Variants in GPR55 observed in about 807,000 individuals in gnomAD.
GPR55 encodes G protein-coupled receptor 55.
A neutral mutation model predicts 7.9 loss-of-function variants in GPR55; 6 were observed. The ratio of observed to expected loss-of-function variants is 0.76; its 90% CI spans 0.41 to 1.49. The LOEUF (loss-of-function observed/expected upper bound fraction) is 1.49, where lower values mean the gene tolerates loss of function less well. Ranked by LOEUF, GPR55 falls within the 40% of genes most tolerant of loss-of-function variation. The pLI, the probability that GPR55 is intolerant of heterozygous loss-of-function variation, is 0.01. For synonymous variants in GPR55, 183 were observed against 166.8 expected (o/e 1.10, Z -0.75); for missense variants, 376 against 406.0 (o/e 0.93, Z 0.63).
chr2:230,937,964 A>G (rs180750539), intron 1 of GPR55, among the ~76,000 whole-genome samples: 225 of 152,008 alleles, frequency 1.5e-3, no homozygotes, highest in African/African-American at 5.2e-3. Context: ...AGACCAGCCT[A>G]GGTAATATAT....
chr2:230,918,646 C>T (rs1014046756), intron 1 of GPR55, among the ~76,000 whole-genome samples: 5 of 152,096 alleles, frequency 3.3e-5, no homozygotes, highest in African/African-American at 1.2e-4. Flanking sequence ...AATATATATG[C>T]AAACATCCTA....
rs184410278 is a variant in GPR55, at chr2:230,909,793, C to G, written c.*210G>C. ...CCTGGTCTGTGGGTTCTTCAGAGAT[C>G]CCTGAACACTGGGTGGTATAAGCTG... is the stretch of plus-strand genomic sequence containing the variant. On this transcript the variant is annotated 3_prime_UTR_variant, in exon 2 of 2. Coordinates refer to ENST00000650999, the MANE Select transcript of GPR55 (RefSeq NM_005683.4). The G allele has an allele frequency of 3.1e-3, 1,794 of 570,832 alleles. 8 individuals carry two copies. Among genetic ancestry groups the G allele is most frequent in the Non-Finnish European group, 4.5e-3 (1,455 of 321,822 alleles). 35.4% of individuals were successfully genotyped at this position (570,832 alleles called of 1,614,324 possible). A position where few individuals can be genotyped will look rare whatever the true frequency, so the allele number is the denominator to read the frequency against.
intron 1 of GPR55, among the ~76,000 whole-genome samples, chr2:230,934,187 C>G (rs1240875204): frequency 6.6e-6 from 1 of 152,154 alleles, no homozygotes; most frequent in Non-Finnish European, 1.5e-5. Context: ...TCTCCACCTG[C>G]CCCTACAACA....
chr2:230,947,258 G>A (rs80329549), intron 1 of GPR55, among the ~76,000 whole-genome samples: 5,702 of 152,318 alleles, frequency 0.037, 173 homozygotes, highest in East Asian at 0.16. Flanking sequence ...TCTTACTGAA[G>A]TTGGTTAGGT....
At chr2:230,937,171 G>A (rs951423505) in intron 1 of GPR55, among the ~76,000 whole-genome samples, 1 of 152,050 alleles carries the variant, frequency 6.6e-6, no homozygotes, top group Non-Finnish European at 1.5e-5. Context: ...GGAGGCTGAG[G>A]TGGGAGGATT....
At chr2:230,926,706 T>G (rs1158084513), upstream of GPR55, among the ~76,000 whole-genome samples, 1 of 114,366 alleles carries the variant, frequency 8.7e-6, no homozygotes, top group Non-Finnish European at 1.8e-5. Context: ...TTTTTTTTTT[T>G]TGATACAGAG....
At chr2:230,949,353 G>A (rs1229235142) in intron 1 of GPR55, among the ~76,000 whole-genome samples, 2 of 152,152 alleles carry the variant, frequency 1.3e-5, no homozygotes, top group African/African-American at 2.4e-5. Flanking sequence ...TAGTAGAGAC[G>A]GGGTTTCACC....
Position 230,907,432 on chromosome 2 carries a change from C to T in GPR55, c.*2571G>A, listed in dbSNP as rs1418894411. 6.6e-6 allele frequency: 1 copy of T among 152,268 alleles called. No individual in the cohort carries two copies. Among genetic ancestry groups the T allele is most frequent in the Non-Finnish European group, 1.5e-5 (1 of 68,070 alleles). The allele number at this position is 152,268 out of a possible 1,614,324, so 9.4% of individuals were successfully genotyped here. ...GCTGGGCCCCACTGCTGATTATGGG[C>T]CAGCTTGGGTTGCAGCTATGTGGGT... On this transcript the variant is annotated 3_prime_UTR_variant, in exon 2 of 2. Transcript: ENST00000650999.
At chr2:230,939,661 G>A (rs1691190176) in intron 1 of GPR55, among the ~76,000 whole-genome samples, 1 of 152,166 alleles carries the variant, frequency 6.6e-6, no homozygotes. Context: ...GCAATAACAG[G>A]GCCGTGTCCA....
chr2:230,922,180 C>T (rs754535870), intron 1 of GPR55, among the ~76,000 whole-genome samples: 21 of 152,158 alleles, frequency 1.4e-4, no homozygotes, highest in Middle Eastern at 3.2e-3. Flanking sequence ...GAAGTAGAAT[C>T]TCCTTTCAAT....
rs553754180 is a variant in GPR55, at chr2:230,908,677, G to A, written c.*1326C>T. On this transcript the variant is annotated 3_prime_UTR_variant, in exon 2 of 2. Transcript: ENST00000650999. ...CTCCTGAAGACCTTGCTCACATGAAGTCTCATCAGTTACTCCTCATCCCAC... is the reference window on the plus strand; with the variant it reads ...CTCCTGAAGACCTTGCTCACATGAAATCTCATCAGTTACTCCTCATCCCAC... 1 of 152,658 alleles carries A rather than the reference G, an allele frequency of 6.6e-6. No homozygotes were observed. Among genetic ancestry groups the A allele is most frequent in the East Asian group, 1.9e-4 (1 of 5,190 alleles). 9.5% of individuals were successfully genotyped at this position (152,658 alleles called of 1,614,324 possible).
At chr2:230,932,001 C>T (rs1240228075) in intron 1 of GPR55, among the ~76,000 whole-genome samples, 2 of 152,172 alleles carry the variant, frequency 1.3e-5, no homozygotes, top group African/African-American at 2.4e-5. Flanking sequence ...GGCCACTCCA[C>T]ACCTCAAGGC....
At chr2:230,940,604 C>A (rs1364516165) in intron 1 of GPR55, among the ~76,000 whole-genome samples, 2 of 152,190 alleles carry the variant, frequency 1.3e-5, no homozygotes, top group African/African-American at 4.8e-5. Flanking sequence ...CACCCTGTGC[C>A]CTGTTTGTGA....
chr2:230,920,650 T>C (rs1223516681), intron 1 of GPR55, among the ~76,000 whole-genome samples: 1 of 152,178 alleles, frequency 6.6e-6, no homozygotes, highest in Non-Finnish European at 1.5e-5. Context: ...ATTTAAAATA[T>C]AATTCCCCCA....
At position 230,909,003 on chromosome 2, in the gene GPR55, A is replaced by C. The variant is rs1690519027; in HGVS notation, c.*1000T>G. On this transcript the variant is annotated 3_prime_UTR_variant, in exon 2 of 2. Coordinates refer to ENST00000650999, the MANE Select transcript of GPR55 (RefSeq NM_005683.4). Reference sequence around the variant, plus strand: ...CAGCTGCCCAGCCAGGATGCAGGTGAGTAAGACAGCACCTCCTCCACCCTC... The same window carrying C: ...CAGCTGCCCAGCCAGGATGCAGGTGCGTAAGACAGCACCTCCTCCACCCTC... 1 of 152,262 alleles carries C rather than the reference A, an allele frequency of 6.6e-6. No individual in the cohort carries two copies. The highest frequency in any genetic ancestry group is 2.4e-5 in the African/African-American group (1 of 41,452). The allele number at this position is 152,262 out of a possible 1,614,324, so 9.4% of individuals were successfully genotyped here. A position where few individuals can be genotyped will look rare whatever the true frequency, so the allele number is the denominator to read the frequency against.
At chr2:230,922,490 C>T (rs1190757753) in intron 1 of GPR55, among the ~76,000 whole-genome samples, 2 of 152,202 alleles carry the variant, frequency 1.3e-5, no homozygotes, top group African/African-American at 2.4e-5. Flanking sequence ...ATCCTCCCAC[C>T]TCAGCCCTCC....
intron 1 of GPR55, among the ~76,000 whole-genome samples, chr2:230,934,092 C>G (rs1364682236): frequency 6.6e-6 from 1 of 152,178 alleles, no homozygotes; most frequent in East Asian, 1.9e-4. Flanking sequence ...CTTTCCAGTG[C>G]TAATAGACTG....
intron 1 of GPR55, among the ~76,000 whole-genome samples, chr2:230,916,321 A>C (rs1205792608): frequency 2.6e-5 from 4 of 152,074 alleles, no homozygotes; most frequent in African/African-American, 9.7e-5. Context: ...CAGGAGTTTG[A>C]GACCCGCCTA....
At chr2:230,918,428 T>C (rs1690762842) in intron 1 of GPR55, among the ~76,000 whole-genome samples, 1 of 152,212 alleles carries the variant, frequency 6.6e-6, no homozygotes, top group African/African-American at 2.4e-5. Context: ...AATTATTGAC[T>C]AGACCAATAA....
Sources: gnomAD v4.1 joint callset for allele counts (sites outside exome capture counted in the v4.1 genomes callset) on GRCh38, gnomAD v4.1.1 for gene constraint, MANE v1.5 for transcripts, NCBI Gene and HGNC (gene_info 2026-07-23, HGNC 2026-07-21) for gene names.